HSD17B3: variants seen among roughly 807,000 people sequenced by gnomAD.
The protein encoded by HSD17B3 is hydroxysteroid 17-beta dehydrogenase 3.
In HSD17B3, 29 loss-of-function variants were observed where a neutral mutation model predicts 41.1. The observed-to-expected ratio is 0.71, with a 90% CI of 0.53 to 0.96. The LOEUF (loss-of-function observed/expected upper bound fraction) is 0.96, where lower values mean the gene tolerates loss of function less well. Among genes scored for constraint, HSD17B3 ranks in the 40% least tolerant of loss-of-function variants. The pLI, the probability that HSD17B3 is intolerant of heterozygous loss-of-function variation, is 0.00. For missense variants in HSD17B3, 323 were observed against 374.6 expected (o/e 0.86, Z 1.14); for synonymous variants, 126 against 145.6 (o/e 0.87, Z 0.97).
At chr9:96,236,552 T>TAAATAAAA (rs1554691556) in intron 10 of HSD17B3, among the ~76,000 whole-genome samples, 51 of 150,402 alleles carry the variant, frequency 3.4e-4, no homozygotes, top group African/African-American at 1.0e-3. Context: ...AATAAATAAA[T>TAAATAAAA]AAAATGAGGA....
chr9:96,254,457 G>C (rs1038776899), intron 3 of HSD17B3, among the ~76,000 whole-genome samples: 1 of 152,302 alleles, frequency 6.6e-6, no homozygotes, highest in East Asian at 1.9e-4. Context: ...AGTTAATTCA[G>C]GAATTAGTTT....
At chr9:96,266,375 T>C (rs975700423) in intron 2 of HSD17B3, among the ~76,000 whole-genome samples, 2 of 152,092 alleles carry the variant, frequency 1.3e-5, no homozygotes, top group South Asian at 4.1e-4. Flanking sequence ...TGGGCTTAAG[T>C]GATCCTCCCA....
rs780685404 is a variant in HSD17B3 at position 96,251,456 on chromosome 9, G to A, written c.415C>T (p.Leu139Phe). 4 of 1,614,228 alleles carry A rather than the reference G, an allele frequency of 2.5e-6. No individual in the cohort carries two copies. In the South Asian group the frequency reaches 4.4e-5, roughly 18 times the overall value. ...GGTGCGTTCAGGAAATGGCTTGGGA[G>A]AAGGTTTGGAAGCATTCCGACATTG... Reference protein sequence around the residue: ...VNNVGMLPNLLPSHFLNAPDE... With the variant: ...VNNVGMLPNLFPSHFLNAPDE... The change falls in exon 5 of 11, where the codon CTC becomes TTC. Residue 139 changes from leucine (L) to phenylalanine (F), a missense_variant. By Grantham distance (22) the Leu-to-Phe change is conservative (BLOSUM62 0). Transcript: ENST00000375263.
In HSD17B3 at chr9:96,298,479, T is replaced by A; in HGVS notation, c.155-17A>T. The A allele has an allele frequency of 6.2e-7, 1 of 1,610,594 alleles. No homozygotes were observed. The highest frequency in any genetic ancestry group is 1.1e-5 in the South Asian group (1 of 91,020). On this transcript the variant is annotated splice_polypyrimidine_tract_variant and intron_variant, in intron 1 of 10. Coordinates refer to ENST00000375263, the MANE Select transcript of HSD17B3 (RefSeq NM_000197.2). ...CAGTGATCACTGTGAAAAGCAAGAA[T>A]GCTTTTAAAAGACAGAATTCATCTT...
At chr9:96,294,500 C>A (rs554218372) in intron 2 of HSD17B3, among the ~76,000 whole-genome samples, 1 of 152,310 alleles carries the variant, frequency 6.6e-6, no homozygotes, top group South Asian at 2.1e-4. Flanking sequence ...CACATGGGGT[C>A]TCCCCTAAGC....
At chr9:96,295,660 G>A (rs796605430) in intron 2 of HSD17B3, among the ~76,000 whole-genome samples, 5 of 152,280 alleles carry the variant, frequency 3.3e-5, no homozygotes, top group African/African-American at 1.2e-4. Flanking sequence ...TAACTGACAT[G>A]CTTGAGGTTT....
intron 3 of HSD17B3, among the ~76,000 whole-genome samples, chr9:96,253,876 G>A (rs1825526593): frequency 6.6e-6 from 1 of 152,106 alleles, no homozygotes. Flanking sequence ...TCCAGACACA[G>A]AACAAAAGCA....
chr9:96,254,722 T>C (rs1448754913), intron 3 of HSD17B3, 146 bp downstream of exon 3: 1 of 728,038 alleles, frequency 1.4e-6, no homozygotes, highest in Non-Finnish European at 2.5e-6. Context: ...TCCCGCCCTC[T>C]GCTTTGTAAC....
intron 2 of HSD17B3, among the ~76,000 whole-genome samples, chr9:96,287,709 CTAAATAAA>C (rs201845606): frequency 5.3e-5 from 8 of 151,330 alleles, no homozygotes; most frequent in South Asian, 2.1e-4. Flanking sequence ...GACTCCGTCT[CTAAATAAA>C]TAAATAAATA....
At chr9:96,263,590 G>A (rs565922585) in intron 2 of HSD17B3, among the ~76,000 whole-genome samples, 2 of 151,796 alleles carry the variant, frequency 1.3e-5, no homozygotes, top group Non-Finnish European at 2.9e-5. Context: ...AAAGCCAGGC[G>A]TGGTGGCGGG....
intron 2 of HSD17B3, among the ~76,000 whole-genome samples, chr9:96,266,565 T>C (rs1031646696): frequency 6.6e-6 from 1 of 152,140 alleles, no homozygotes; most frequent in Non-Finnish European, 1.5e-5. Flanking sequence ...CCACTGTGCC[T>C]AGCCCCAGCC....
intron 10 of HSD17B3, 65 bp from the exon 11 acceptor site, chr9:96,235,635 T>C (rs779190229): frequency 8.3e-5 from 31 of 372,808 alleles, no homozygotes; most frequent in Non-Finnish European, 1.0e-4. Context: ...TTCATCTTTG[T>C]GGTCTTTAAA....
At chr9:96,250,443 C>T in intron 5 of HSD17B3, 1 of 1,065,446 alleles carries the variant, frequency 9.4e-7, no homozygotes, top group South Asian at 4.5e-5. Flanking sequence ...GGCATTATCA[C>T]CCGGTGCAGC....
intron 6 of HSD17B3, 187 bp downstream of exon 6, chr9:96,249,564 C>G: frequency 4.7e-6 from 3 of 637,936 alleles, no homozygotes; most frequent in Non-Finnish European, 8.5e-6. Context: ...AGAGTTGAAT[C>G]CATTACTGTA....
rs142689263 is a variant in HSD17B3 at position 96,301,519 on chromosome 9, T to C, written c.154+432A>G. ...TGAGGTCAGGAGTTCGAGACCAGCC[T>C]GGCCAACATGGGGGAACCCTGTCTC... On this transcript the variant is annotated intron_variant, in intron 1 of 10. Transcript: ENST00000375263. 3.3e-3 allele frequency among the ~76,000 whole-genome samples: 501 copies of C among 150,936 alleles called. 7 individuals are homozygous for C. Among genetic ancestry groups the C allele is most frequent in the African/African-American group, 0.011 (454 of 41,118 alleles).
At chr9:96,275,356 A>G (rs1826407864) in intron 2 of HSD17B3, among the ~76,000 whole-genome samples, 1 of 152,216 alleles carries the variant, frequency 6.6e-6, no homozygotes, top group Non-Finnish European at 1.5e-5. Context: ...ATGATGGTGC[A>G]CAAATCACTT....
Position 96,249,780 on chromosome 9 carries a change from T to A in HSD17B3, c.460A>T (p.Ile154Phe). 6.2e-7 allele frequency: 1 copy of A among 1,614,128 alleles called. No individual in the cohort carries two copies. Among genetic ancestry groups the A allele is most frequent in the Non-Finnish European group, 8.5e-7 (1 of 1,179,996 alleles). ...LNAPDEIQSL[I>F]HCNITSVVKM... ...ACTACGGAGGTGATGTTACAATGGA[T>A]GAGGCTCTGTAATAAATAATCACAA... Residue 154 changes from isoleucine (I) to phenylalanine (F), a missense_variant, in exon 6 of 11, where the codon ATC becomes TTC. Ile to Phe is a conservative substitution (Grantham distance 21, BLOSUM62 0). Coordinates refer to ENST00000375263, the MANE Select transcript of HSD17B3 (RefSeq NM_000197.2).
intron 2 of HSD17B3, among the ~76,000 whole-genome samples, chr9:96,257,676 G>C (rs551960625): frequency 6.6e-6 from 1 of 152,208 alleles, no homozygotes; most frequent in South Asian, 2.1e-4. Flanking sequence ...GTTGACCTTT[G>C]AATGAGCACT....
At chr9:96,294,065 G>A (rs1587792126) in intron 2 of HSD17B3, among the ~76,000 whole-genome samples, 2 of 152,266 alleles carry the variant, frequency 1.3e-5, no homozygotes, top group African/African-American at 4.8e-5. Flanking sequence ...AGGGAGAAAA[G>A]CCTACATGAA....
Sources: allele counts gnomAD v4.1 joint callset (sites outside exome capture counted in the v4.1 genomes callset), GRCh38; gene constraint gnomAD v4.1.1; transcripts MANE v1.5; gene names NCBI Gene and HGNC (gene_info 2026-07-23, HGNC 2026-07-21).